HTR2C: variants seen among roughly 807,000 people sequenced by gnomAD.
HTR2C encodes the protein 5-hydroxytryptamine (serotonin) receptor 2C, G protein-coupled.
Under a neutral mutation model 21.0 loss-of-function variants are expected in HTR2C, and 5 were observed. The ratio of observed to expected loss-of-function variants is 0.24; its 90% CI spans 0.12 to 0.50. HTR2C has a LOEUF of 0.50. Ranked by LOEUF, HTR2C falls within the 20% of genes least tolerant of loss-of-function variation. The probability of loss-of-function intolerance (pLI) is 0.98; values close to 1 mark genes in which losing one functional copy is unlikely to be tolerated. For synonymous variants in HTR2C, 150 were observed against 145.3 expected (o/e 1.03, Z -0.23); for missense variants, 271 against 371.2 (o/e 0.73, Z 2.22).
intron 2 of HTR2C, among the ~76,000 whole-genome samples, chrX:114,693,761 A>G (rs1217215825): frequency 3.6e-5 from 4 of 112,013 alleles, no homozygotes; most frequent in African/African-American, 1.3e-4. Flanking sequence ...GTGAAGGAGA[A>G]GTTTAGAAAA....
chrX:114,628,010 G>T (rs1422527906), intron 2 of HTR2C, among the ~76,000 whole-genome samples: 1 of 111,435 alleles, frequency 9.0e-6, no homozygotes, highest in Non-Finnish European at 1.9e-5. Flanking sequence ...AACAATTTTA[G>T]TTCACTAGTC....
At chrX:114,605,893 G>T (rs891451429) in intron 1 of HTR2C, among the ~76,000 whole-genome samples, 1 of 107,577 alleles carries the variant, frequency 9.3e-6, no homozygotes, top group African/African-American at 3.4e-5. Flanking sequence ...AGAGATAAGA[G>T]GTTGGGGGGC....
intron 2 of HTR2C, among the ~76,000 whole-genome samples, chrX:114,645,767 T>C (rs1007200054): frequency 2.7e-5 from 3 of 111,893 alleles, no homozygotes; most frequent in African/African-American, 9.7e-5. Flanking sequence ...AAGACATTTT[T>C]ATGAAAAAAG....
At chrX:114,837,381 T>C (rs1444271337) in intron 4 of HTR2C, among the ~76,000 whole-genome samples, 2 of 112,132 alleles carry the variant, frequency 1.8e-5, no homozygotes, top group Non-Finnish European at 3.8e-5. Context: ...TATTTTTCCA[T>C]AAGATTTGGT....
At chrX:114,659,994 C>T (rs1403833437) in intron 2 of HTR2C, among the ~76,000 whole-genome samples, 2 of 111,601 alleles carry the variant, frequency 1.8e-5, no homozygotes, top group Non-Finnish European at 3.8e-5. Flanking sequence ...TCTGCACCTT[C>T]CATGACACAG....
intron 5 of HTR2C, among the ~76,000 whole-genome samples, chrX:114,875,059 G>A (rs1325908441): frequency 9.0e-6 from 1 of 111,260 alleles, no homozygotes; most frequent in Non-Finnish European, 1.9e-5. Context: ...CAAGATCAAA[G>A]TACAGGCAGA....
At chrX:114,621,095 G>T (rs1929145767) in intron 2 of HTR2C, among the ~76,000 whole-genome samples, 1 of 111,724 alleles carries the variant, frequency 9.0e-6, no homozygotes, top group African/African-American at 3.3e-5. Context: ...TGGCAAGGAT[G>T]GTCTCAAACT....
chrX:114,653,403 T>C (rs1556408851), intron 2 of HTR2C, among the ~76,000 whole-genome samples: 1 of 110,862 alleles, frequency 9.0e-6, no homozygotes, highest in East Asian at 2.8e-4. Context: ...CTAGGACATC[T>C]TTGTGAGGAG....
chrX:114,606,521 T>C (rs1475154137), intron 1 of HTR2C, among the ~76,000 whole-genome samples: 5 of 111,015 alleles, frequency 4.5e-5, no homozygotes, highest in African/African-American at 1.6e-4. Context: ...CATGTCTCCT[T>C]TGTCTCTCCC....
At chrX:114,794,462 T>G (rs1203688209) in intron 4 of HTR2C, among the ~76,000 whole-genome samples, 2 of 107,141 alleles carry the variant, frequency 1.9e-5, no homozygotes, top group African/African-American at 6.8e-5. Context: ...TGCCATGTTG[T>G]TGTGCTGCAC....
At chrX:114,813,600 C>T (rs1033952221) in intron 4 of HTR2C, among the ~76,000 whole-genome samples, 4 of 111,721 alleles carry the variant, frequency 3.6e-5, no homozygotes, top group Non-Finnish European at 7.5e-5. Flanking sequence ...GGTCAGACAA[C>T]GATCTCTTTC....
intron 4 of HTR2C, among the ~76,000 whole-genome samples, chrX:114,764,400 C>CAAAAAA (rs375720855): frequency 5.1e-5 from 2 of 39,025 alleles, no homozygotes; most frequent in African/African-American, 7.2e-5. Context: ...AACTCCATCT[C>CAAAAAA]AAAAAAAAAA....
chrX:114,662,142 G>C (rs1049998710), intron 2 of HTR2C, among the ~76,000 whole-genome samples: 1 of 111,554 alleles, frequency 9.0e-6, no homozygotes, highest in African/African-American at 3.3e-5. Context: ...AAATGAAAAG[G>C]CTGCCTTTTT....
chrX:114,706,305 A>C (rs1403700879), intron 2 of HTR2C, among the ~76,000 whole-genome samples: 1 of 63,281 alleles, frequency 1.6e-5, no homozygotes, highest in Non-Finnish European at 2.8e-5. Context: ...CTTGGAACCA[A>C]CCCAAATGTC....
chrX:114,659,196 A>G (rs188508329), intron 2 of HTR2C, among the ~76,000 whole-genome samples: 95 of 111,449 alleles, frequency 8.5e-4, no homozygotes, highest in African/African-American at 2.9e-3. Context: ...AACTACCCCT[A>G]TGATTCAGTT....
intron 2 of HTR2C, among the ~76,000 whole-genome samples, chrX:114,694,574 C>T (rs964283772): frequency 2.8e-5 from 3 of 108,184 alleles, no homozygotes; most frequent in African/African-American, 6.9e-5. Flanking sequence ...CTGCAACCTC[C>T]GCCTCCAGGT....
At chrX:114,895,759 G>T (rs934929913) in intron 5 of HTR2C, among the ~76,000 whole-genome samples, 1 of 111,194 alleles carries the variant, frequency 9.0e-6, no homozygotes, top group East Asian at 2.8e-4. Flanking sequence ...AGGCTGAGGC[G>T]GGCGGATCAC....
intron 5 of HTR2C, among the ~76,000 whole-genome samples, chrX:114,849,657 C>T (rs1171274731): frequency 1.8e-5 from 2 of 111,763 alleles, no homozygotes; most frequent in Non-Finnish European, 3.8e-5. Context: ...GAATAAGGAT[C>T]GACCAGGATT....
intron 4 of HTR2C, among the ~76,000 whole-genome samples, chrX:114,772,008 G>A (rs73569273): frequency 5.3e-5 from 6 of 112,313 alleles, no homozygotes; most frequent in Admixed American, 9.5e-5. Flanking sequence ...ACTGTGGTGA[G>A]AGGGGAATGA....
Sources: allele counts gnomAD v4.1 joint callset (sites outside exome capture counted in the v4.1 genomes callset), GRCh38; gene constraint gnomAD v4.1.1; transcripts MANE v1.5; gene names NCBI Gene and HGNC (gene_info 2026-07-23, HGNC 2026-07-21).